Variants in RIMBP2 observed in about 807,000 individuals in gnomAD.
RIMBP2 encodes the protein RIMS-binding protein 2.
In RIMBP2, 48 loss-of-function variants were observed where a neutral mutation model predicts 118.6. The ratio of observed to expected loss-of-function variants is 0.40; its 90% CI spans 0.32 to 0.51. The LOEUF is 0.51. Ranked by LOEUF, RIMBP2 falls within the 20% of genes least tolerant of loss-of-function variation. RIMBP2 has a pLI of 0.41. For missense variants in RIMBP2, 1,551 were observed against 1,768.3 expected, an observed-to-expected ratio of 0.88 and a Z score of 2.20; for synonymous variants, 762 against 742.9, an observed-to-expected ratio of 1.03 and a Z score of -0.42.
intron 2 of RIMBP2, among the ~76,000 whole-genome samples, chr12:130,546,366 G>A (rs1231276810): frequency 2.0e-5 from 3 of 152,100 alleles, no homozygotes; most frequent in Non-Finnish European, 4.4e-5. Context: ...TGTGATCTCG[G>A]ATCACTTCAA....
At chr12:130,544,687 T>A (rs371316063) in intron 2 of RIMBP2, among the ~76,000 whole-genome samples, 1 of 149,030 alleles carries the variant, frequency 6.7e-6, no homozygotes. Flanking sequence ...GCAACCTTTG[T>A]CTCCCAGGTT....
At chr12:130,440,626 G>A (rs2078041259) in intron 11 of RIMBP2, among the ~76,000 whole-genome samples, 1 of 152,234 alleles carries the variant, frequency 6.6e-6, no homozygotes, top group African/African-American at 2.4e-5. Flanking sequence ...GCACTCATCA[G>A]AAGGCATCGC....
At chr12:130,559,562 G>A (rs1002610205) in intron 2 of RIMBP2, among the ~76,000 whole-genome samples, 6 of 152,032 alleles carry the variant, frequency 3.9e-5, no homozygotes, top group Admixed American at 2.6e-4. Context: ...CCTTATATCC[G>A]CTGAGGGACA....
intron 2 of RIMBP2, among the ~76,000 whole-genome samples, chr12:130,572,326 A>C (rs2057737634): frequency 6.6e-6 from 1 of 152,146 alleles, no homozygotes; most frequent in African/African-American, 2.4e-5. Flanking sequence ...TCCCAAATGC[A>C]CTCACAGTAA....
In RIMBP2 at chr12:130,603,148, A is replaced by G. The variant is rs148978128; in HGVS notation, c.-217+25174T>C. Among the ~76,000 whole-genome samples the G allele has an allele frequency of 1.5e-3, 229 of 152,364 alleles. 4 individuals are homozygous for G. In the East Asian group the frequency reaches 0.033, roughly 22 times the overall value. ...ATGAGCACATGAAAACATGGCCATCACTAGCCATCCAGGATATGCAAATGT... is the reference window on the plus strand; with the variant it reads ...ATGAGCACATGAAAACATGGCCATCGCTAGCCATCCAGGATATGCAAATGT... On this transcript the variant is annotated intron_variant, in intron 2 of 22. Transcript: ENST00000690449.
At chr12:130,607,815 A>G (rs2060278913) in intron 2 of RIMBP2, among the ~76,000 whole-genome samples, 1 of 151,932 alleles carries the variant, frequency 6.6e-6, no homozygotes, top group South Asian at 2.1e-4. Context: ...AAGCAGAAGC[A>G]TCCATTTTTA....
intron 19 of RIMBP2, among the ~76,000 whole-genome samples, chr12:130,409,602 CA>C (rs2075526607): frequency 6.6e-6 from 1 of 152,112 alleles, no homozygotes; most frequent in Non-Finnish European, 1.5e-5. Flanking sequence ...CTCGGCCTCC[CA>C]AAGTGCTGGG....
At chr12:130,423,347 G>A (rs2076537878) in intron 16 of RIMBP2, among the ~76,000 whole-genome samples, 1 of 152,222 alleles carries the variant, frequency 6.6e-6, no homozygotes, top group Admixed American at 6.5e-5. Context: ...GAGTCACTGA[G>A]GCACGGATCT....
intron 5 of RIMBP2, among the ~76,000 whole-genome samples, chr12:130,474,928 C>T (rs1034625486): frequency 2.0e-5 from 3 of 152,142 alleles, no homozygotes; most frequent in African/African-American, 7.2e-5. Flanking sequence ...TGACATGAGA[C>T]GCTCCGTAAA....
chr12:130,645,368 G>C (rs758527570), intron 1 of RIMBP2, among the ~76,000 whole-genome samples: 2 of 152,208 alleles, frequency 1.3e-5, no homozygotes, highest in Admixed American at 1.3e-4. Context: ...CTATTATCCA[G>C]AGGAGAAAAT....
At chr12:130,588,172 T>A (rs1311744524) in intron 2 of RIMBP2, among the ~76,000 whole-genome samples, 1 of 152,058 alleles carries the variant, frequency 6.6e-6, no homozygotes, top group African/African-American at 2.4e-5. Context: ...AAGTCCTGCC[T>A]CCTCCAGGAA....
chr12:130,466,005 A>G (rs887230928), intron 6 of RIMBP2: 4 of 152,098 alleles, frequency 2.6e-5, no homozygotes, highest in Non-Finnish European at 5.9e-5. Context: ...TCTGCTCATG[A>G]CTATCTGAGA....
At chr12:130,715,881 G>A (rs554095489) in intron 1 of RIMBP2, among the ~76,000 whole-genome samples, 1 of 152,070 alleles carries the variant, frequency 6.6e-6, no homozygotes, top group South Asian at 2.1e-4. Flanking sequence ...TTGCCTGGAG[G>A]GGCCTTTCTT....
rs570004336 is a variant in RIMBP2, at chr12:130,447,098, C to T, written c.582-1829G>A. Reference sequence around the variant, plus strand: ...GAGGAGGAGGAGGAGGAGGAGGGAGCGAGAGGAACAGGAGCCCCCAGGCCA... The same window carrying T: ...GAGGAGGAGGAGGAGGAGGAGGGAGTGAGAGGAACAGGAGCCCCCAGGCCA... On this transcript the variant is annotated intron_variant, in intron 9 of 22. Coordinates refer to ENST00000690449, the MANE Select transcript of RIMBP2 (RefSeq NM_001393629.1). This position sits in a 1 kb window ranked among gnomAD's most constrained non-coding sequence, Gnocchi z 4.4. Among the ~76,000 whole-genome samples, 16 of 149,494 alleles carry T rather than the reference C, an allele frequency of 1.1e-4. No individual in the cohort carries two copies. The South Asian group carries it at 1.5e-3, about 14-fold the overall frequency.
chr12:130,608,453 G>C (rs544399338), intron 2 of RIMBP2, among the ~76,000 whole-genome samples: 1 of 152,228 alleles, frequency 6.6e-6, no homozygotes, highest in African/African-American at 2.4e-5. Flanking sequence ...TCCAGGCTAC[G>C]TGTGCCTCTT....
chr12:130,610,770 C>T (rs2060491305), intron 2 of RIMBP2, among the ~76,000 whole-genome samples: 1 of 151,588 alleles, frequency 6.6e-6, no homozygotes, highest in South Asian at 2.1e-4. Context: ...CCGTGTTAGC[C>T]AGGATGGTCT....
At chr12:130,597,067 C>T (rs948874778) in intron 2 of RIMBP2, among the ~76,000 whole-genome samples, 16 of 152,270 alleles carry the variant, frequency 1.1e-4, no homozygotes, top group African/African-American at 2.9e-4. Context: ...ACTGAAGGAA[C>T]GGAACTCTAC....
chr12:130,710,459 T>C lies in RIMBP2; in HGVS notation c.-352+5763A>G, dbSNP rs940049779. ...ATACACGCAGGCGCACACACACACA[T>C]ACACACACACACGTACACACACACA... On this transcript the variant is annotated intron_variant, in intron 1 of 22. Transcript: ENST00000690449. This position sits in a 1 kb window ranked among gnomAD's most constrained non-coding sequence, Gnocchi z 4.3. 6.6e-6 allele frequency among the ~76,000 whole-genome samples: 1 copy of C among 151,482 alleles called. No individual in the cohort carries two copies. The highest frequency in any genetic ancestry group is 2.4e-5 in the African/African-American group (1 of 41,144).
intron 2 of RIMBP2, among the ~76,000 whole-genome samples, chr12:130,613,420 G>T (rs1186162064): frequency 3.3e-5 from 5 of 152,166 alleles, no homozygotes; most frequent in African/African-American, 1.2e-4. Context: ...AGTGAGCCCA[G>T]CCCCCCACCC....
Sources: allele counts gnomAD v4.1 joint callset (sites outside exome capture counted in the v4.1 genomes callset), GRCh38; gene constraint gnomAD v4.1.1; non-coding constraint Gnocchi (gnomAD v3.1); transcripts MANE v1.5; gene names NCBI Gene and HGNC (gene_info 2026-07-23, HGNC 2026-07-21).